The following PITPNC1 variants were observed in gnomAD, a reference collection of about 807,000 sequenced individuals.
The protein encoded by PITPNC1 is phosphatidylinositol transfer protein cytoplasmic 1.
PITPNC1 carries 18 observed loss-of-function variants against 44.7 expected under a neutral mutation model. That is an observed-to-expected ratio of 0.40 (90% confidence interval 0.28 to 0.60). The LOEUF (loss-of-function observed/expected upper bound fraction) is 0.60. Among genes scored for constraint, PITPNC1 ranks in the 20% least tolerant of loss-of-function variants. The pLI is 0.39. For missense variants in PITPNC1, 290 were observed against 418.4 expected (o/e 0.69, Z 2.68); for synonymous variants, 141 against 149.6 (o/e 0.94, Z 0.42).
chr17:67,541,558 G>A lies in PITPNC1; in HGVS notation c.197+8608G>A, dbSNP rs556999217. ...TTATTCTTCAACTGAATCAATAAAAGTAACGTAAAATATCTAAAACCATGT... is the reference window on the plus strand; with the variant it reads ...TTATTCTTCAACTGAATCAATAAAAATAACGTAAAATATCTAAAACCATGT... On this transcript the variant is annotated intron_variant, in intron 2 of 8. Coordinates refer to ENST00000581322, the MANE Select transcript of PITPNC1 (RefSeq NM_012417.4). 4.1e-3 allele frequency among the ~76,000 whole-genome samples: 625 copies of A among 152,114 alleles called. 9 individuals carry two copies. Among genetic ancestry groups the A allele is most frequent in the Middle Eastern group, 0.01 (3 of 292 alleles).
At chr17:67,529,151 G>A (rs2040428681) in intron 1 of PITPNC1, among the ~76,000 whole-genome samples, 1 of 152,168 alleles carries the variant, frequency 6.6e-6, no homozygotes, top group South Asian at 2.1e-4. Context: ...AATGATCAAT[G>A]AGGCCGGCCG....
intron 5 of PITPNC1, chr17:67,611,154 A>G (rs1159941992): frequency 1.3e-5 from 2 of 152,216 alleles, no homozygotes; most frequent in African/African-American, 4.8e-5. Context: ...CTATTAATGT[A>G]TGAGATACTA....
intron 1 of PITPNC1, among the ~76,000 whole-genome samples, chr17:67,411,299 C>G (rs1027753768): frequency 3.3e-5 from 5 of 152,010 alleles, no homozygotes; most frequent in Non-Finnish European, 5.9e-5. Context: ...GTGCTCAGAA[C>G]CTTGAAAGAG....
intron 6 of PITPNC1, among the ~76,000 whole-genome samples, chr17:67,636,912 T>C (rs1039900529): frequency 6.6e-6 from 1 of 152,164 alleles, no homozygotes; most frequent in Non-Finnish European, 1.5e-5. Context: ...CTGACCTTGT[T>C]CTTTGCTTGA....
intron 1 of PITPNC1, among the ~76,000 whole-genome samples, chr17:67,481,513 A>T (rs1042012749): frequency 6.6e-5 from 10 of 152,058 alleles, no homozygotes; most frequent in Non-Finnish European, 1.3e-4. Flanking sequence ...TGATTTTCAA[A>T]TTTTTTTTAG....
At chr17:67,633,764 G>A (rs1336292449) in intron 6 of PITPNC1, among the ~76,000 whole-genome samples, 2 of 152,284 alleles carry the variant, frequency 1.3e-5, no homozygotes, top group African/African-American at 2.4e-5. Flanking sequence ...GATGCGCAGA[G>A]CATTGTGCAA....
chr17:67,434,812 A>AT (rs2038911449), intron 1 of PITPNC1, among the ~76,000 whole-genome samples: 1 of 150,336 alleles, frequency 6.7e-6, no homozygotes, highest in Non-Finnish European at 1.5e-5. Context: ...AAAAAAAAAA[A>AT]ATAAAAAAAT....
chr17:67,589,092 C>T (rs1337888917), intron 5 of PITPNC1, among the ~76,000 whole-genome samples: 6 of 152,130 alleles, frequency 3.9e-5, no homozygotes, highest in Non-Finnish European at 4.4e-5. Context: ...AGTGGAAAGT[C>T]AATGTTCTTA....
intron 1 of PITPNC1, among the ~76,000 whole-genome samples, chr17:67,524,104 C>T (rs768919206): frequency 6.6e-6 from 1 of 152,106 alleles, no homozygotes; most frequent in Non-Finnish European, 1.5e-5. Flanking sequence ...GCCACTGCGC[C>T]CAGCCTAAAT....
rs2042992581 is a variant in PITPNC1 at position 67,695,391 on chromosome 17, G to C, written c.*2503G>C. On this transcript the variant is annotated 3_prime_UTR_variant, in exon 9 of 9. Transcript: ENST00000581322. ...CTCTATACATGACTTTGTTATTGTG[G>C]AATACAAGCCTGCAATGGATGTATA... 6.6e-6 allele frequency: 1 copy of C among 151,610 alleles called. No individual in the cohort carries two copies. The highest frequency in any genetic ancestry group is 2.4e-5 in the African/African-American group (1 of 41,246). The allele number at this position is 151,610 out of a possible 1,614,324, so 9.4% of individuals were successfully genotyped here.
chr17:67,470,541 T>G (rs929834852), intron 1 of PITPNC1, among the ~76,000 whole-genome samples: 10 of 152,172 alleles, frequency 6.6e-5, no homozygotes, highest in Admixed American at 2.0e-4. Flanking sequence ...ACAATGTTTT[T>G]GAAATTCATC....
chr17:67,577,623 T>TA (rs202160406), intron 4 of PITPNC1, among the ~76,000 whole-genome samples: 7 of 150,920 alleles, frequency 4.6e-5, no homozygotes, highest in African/African-American at 1.7e-4. Context: ...AAAATAAATT[T>TA]AAAAATTTTT....
intron 1 of PITPNC1, chr17:67,459,801 A>G (rs548877376): frequency 2.0e-5 from 3 of 152,364 alleles, no homozygotes; most frequent in Admixed American, 6.5e-5. Flanking sequence ...CGGTAGGTAT[A>G]TAGTATGTCC....
chr17:67,484,824 G>C (rs963392057), intron 1 of PITPNC1, among the ~76,000 whole-genome samples: 2 of 152,032 alleles, frequency 1.3e-5, no homozygotes, highest in African/African-American at 4.8e-5. Context: ...TGTAATATCA[G>C]CTACTTTGGA....
chr17:67,441,084 A>G, intron 1 of PITPNC1, among the ~76,000 whole-genome samples: 1 of 152,132 alleles, frequency 6.6e-6, no homozygotes, highest in East Asian at 1.9e-4. Flanking sequence ...ATCAGAGTAT[A>G]GCTATTGTGC....
intron 4 of PITPNC1, among the ~76,000 whole-genome samples, chr17:67,571,701 C>T (rs566697858): frequency 5.2e-5 from 8 of 152,382 alleles, no homozygotes; most frequent in African/African-American, 1.4e-4. Context: ...TCTCAGTTCC[C>T]AGTAGACCTC....
rs80248980 is a variant in PITPNC1, at chr17:67,549,176, G to A, written c.198-3081G>A. ...CAGACTGATTAGAAGAGTTCAGGCC[G>A]GGCGCGGTGGTTCATGCCAGTAATC... On this transcript the variant is annotated intron_variant, in intron 2 of 8. Coordinates refer to ENST00000581322, the MANE Select transcript of PITPNC1 (RefSeq NM_012417.4). 8.5e-3 allele frequency among the ~76,000 whole-genome samples: 1,297 copies of A among 152,250 alleles called. 12 individuals carry two copies. The highest frequency in any genetic ancestry group is 0.03 in the African/African-American group (1,238 of 41,528).
chr17:67,449,083 T>C (rs1374199889), intron 1 of PITPNC1, among the ~76,000 whole-genome samples: 2 of 152,238 alleles, frequency 1.3e-5, no homozygotes, highest in African/African-American at 4.8e-5. Context: ...ATTGATCTTC[T>C]AAGTATTTAT....
chr17:67,422,223 A>C (rs1338261046), intron 1 of PITPNC1, among the ~76,000 whole-genome samples: 3 of 152,198 alleles, frequency 2.0e-5, no homozygotes, highest in Non-Finnish European at 2.9e-5. Context: ...AGGAGGAAGG[A>C]AGGCTATTAA....
Sources: gnomAD v4.1 joint callset for allele counts (sites outside exome capture counted in the v4.1 genomes callset) on GRCh38, gnomAD v4.1.1 for gene constraint, MANE v1.5 for transcripts, NCBI Gene and HGNC (gene_info 2026-07-23, HGNC 2026-07-21) for gene names.